Variants in KCNJ12 observed in about 807,000 individuals in gnomAD.
The protein encoded by KCNJ12 is ATP-sensitive inward rectifier potassium channel 12.
A neutral mutation model predicts 22.3 loss-of-function variants in KCNJ12; 2 were observed. That is an observed-to-expected ratio of 0.09 (90% CI 0.04 to 0.28). KCNJ12 has a LOEUF of 0.28. Among genes scored for constraint, KCNJ12 ranks in the 10% least tolerant of loss-of-function variants. KCNJ12 has a pLI of 1.00. For synonymous variants in KCNJ12, 117 were observed against 261.4 expected (o/e 0.45, Z 5.33); for missense variants, 155 against 633.3 (o/e 0.24, Z 8.11).
intron 1 of KCNJ12, among the ~76,000 whole-genome samples, chr17:21,377,762 A>G (rs1904717301): frequency 6.6e-6 from 1 of 151,996 alleles, no homozygotes; most frequent in Non-Finnish European, 1.5e-5. Context: ...ATATTTTAAA[A>G]CCTGTGATCA....
chr17:21,378,453 C>T (rs1271708227), intron 1 of KCNJ12, among the ~76,000 whole-genome samples: 1 of 152,184 alleles, frequency 6.6e-6, no homozygotes, highest in Non-Finnish European at 1.5e-5. Flanking sequence ...AGACAGGGGA[C>T]CCGAGGTTGG....
chr17:21,387,090 A>G (rs4985852), intron 1 of KCNJ12, among the ~76,000 whole-genome samples: 1 of 151,990 alleles, frequency 6.6e-6, no homozygotes, highest in Non-Finnish European at 1.5e-5. Context: ...CGGGGGGCGG[A>G]GCCTGCAGTG....
At chr17:21,382,667 G>A (rs1904911082) in intron 1 of KCNJ12, among the ~76,000 whole-genome samples, 1 of 152,168 alleles carries the variant, frequency 6.6e-6, no homozygotes, top group African/African-American at 2.4e-5. Flanking sequence ...GGATGTCCAT[G>A]TTGCCTCAGA....
chr17:21,407,120 C>T (rs573902882), intron 1 of KCNJ12, among the ~76,000 whole-genome samples: 1 of 152,412 alleles, frequency 6.6e-6, no homozygotes, highest in South Asian at 2.1e-4. Flanking sequence ...TCCTACTCGC[C>T]CAAACACCCT....
intron 1 of KCNJ12, among the ~76,000 whole-genome samples, chr17:21,378,328 G>A (rs934406705): frequency 6.6e-6 from 1 of 152,224 alleles, no homozygotes; most frequent in African/African-American, 2.4e-5. Context: ...CTTTTTGAGG[G>A]GTACTCCCTT....
At chr17:21,415,128 G>A (rs2142079585) in intron 2 of KCNJ12, among the ~76,000 whole-genome samples, 159 bp from the exon 3 acceptor site, 1 of 152,420 alleles carries the variant, frequency 6.6e-6, no homozygotes, top group Admixed American at 6.5e-5. Context: ...CATTCGCACT[G>A]GGAAGGCGGA....
At chr17:21,412,788 T>G (rs1376233661) in intron 2 of KCNJ12, among the ~76,000 whole-genome samples, 768 of 152,228 alleles carry the variant, frequency 5.0e-3, no homozygotes, top group Non-Finnish European at 8.2e-3. Context: ...CCTGCAGAGC[T>G]TGGGGGCCCA....
rs1326506521 is a variant in KCNJ12, at chr17:21,415,851, G to T, written c.509G>T (p.Cys170Phe). 1 of 1,612,480 alleles carries T rather than the reference G, an allele frequency of 6.2e-7. No homozygotes were observed. ...GTGGTGGCCCAGTCCATCGTGGGCT[G>T]CATCATCGACTCCTTCATGATTGGT... is the stretch of plus-strand genomic sequence containing the variant. ...FMVVAQSIVG[C>F]IIDSFMIGAI... is the part of the protein sequence containing the mutation. The change falls in exon 3 of 3, where the codon TGC becomes TTC. Residue 170 changes from cysteine to phenylalanine, a missense_variant. By Grantham distance (205) the Cys-to-Phe change is radical (BLOSUM62 -2). Transcript: ENST00000583088.
In KCNJ12 at chr17:21,397,618, G is replaced by A. The variant is rs555113966; in HGVS notation, c.-178-10901G>A. Among the ~76,000 whole-genome samples, 10 of 152,360 alleles carry A rather than the reference G, an allele frequency of 6.6e-5. No individual in the cohort carries two copies. The South Asian group carries it at 1.2e-3, about 19-fold the overall frequency. ...GGCTAATGCACTGGCCACGGGCAGC[G>A]TGTGCAATTAGTGTGTTAATTGTCC... On this transcript the variant is annotated intron_variant, in intron 1 of 2. Transcript: ENST00000583088.
Position 21,416,167 on chromosome 17 carries a change from C to T in KCNJ12, c.825C>T (p.Asp275=), listed in dbSNP as rs199837726. The change falls in exon 3 of 3, where the codon GAC becomes GAT. Residue 275 remains aspartate (D), a synonymous_variant. Transcript: ENST00000583088. The stretch of plus-strand genomic sequence containing the variant: ...CCATCACCATCTTGCATGAGATTGA[C>T]GAGGCCAGCCCGCTCTTCGGCATCA... The part of the protein sequence containing the change: ...VSPITILHEI[D]EASPLFGISR... The T allele has an allele frequency of 2.9e-5, 46 of 1,613,344 alleles. No homozygotes were observed. Among genetic ancestry groups the T allele is most frequent in the Middle Eastern group, 1.6e-4 (1 of 6,080 alleles).
chr17:21,378,164 T>C (rs564361601), intron 1 of KCNJ12, among the ~76,000 whole-genome samples: 1 of 152,336 alleles, frequency 6.6e-6, no homozygotes, highest in East Asian at 1.9e-4. Context: ...AGCCGGTCCC[T>C]GGCCGCGCGG....
intron 2 of KCNJ12, 148 bp downstream of exon 2, chr17:21,408,788 C>T (rs1379542493): frequency 2.3e-4 from 35 of 152,104 alleles, no homozygotes; most frequent in Non-Finnish European, 3.4e-4. Context: ...CTTCCATCCA[C>T]CCACCCATGC....
chr17:21,384,387 G>C (rs2144766931), intron 1 of KCNJ12, among the ~76,000 whole-genome samples: 1 of 152,284 alleles, frequency 6.6e-6, no homozygotes, highest in Non-Finnish European at 1.5e-5. Flanking sequence ...TGGATTGCAG[G>C]ATTTGGTTTA....
At chr17:21,407,272 C>T (rs11655660) in intron 1 of KCNJ12, among the ~76,000 whole-genome samples, 1 of 152,182 alleles carries the variant, frequency 6.6e-6, no homozygotes, top group Non-Finnish European at 1.5e-5. Flanking sequence ...ATTCATTTCT[C>T]TACCCACCCA....
At chr17:21,391,233 C>T (rs529036658) in intron 1 of KCNJ12, among the ~76,000 whole-genome samples, 2 of 152,348 alleles carry the variant, frequency 1.3e-5, no homozygotes, top group East Asian at 3.9e-4. Context: ...CACCTGTGAA[C>T]GGTGCTGCCG....
intron 1 of KCNJ12, among the ~76,000 whole-genome samples, chr17:21,392,641 A>G (rs1012263071): frequency 5.3e-5 from 8 of 152,220 alleles, no homozygotes; most frequent in Admixed American, 1.3e-4. Flanking sequence ...GGGGGATTTC[A>G]TGGACCCCCA....
At chr17:21,397,606 G>C (rs1388590185) in intron 1 of KCNJ12, among the ~76,000 whole-genome samples, 1 of 152,228 alleles carries the variant, frequency 6.6e-6, no homozygotes, top group African/African-American at 2.4e-5. Flanking sequence ...TAATGCACTG[G>C]CCACGGGCAG....
intron 1 of KCNJ12, among the ~76,000 whole-genome samples, chr17:21,392,352 T>A (rs1305632093): frequency 2.6e-5 from 4 of 152,198 alleles, no homozygotes; most frequent in Non-Finnish European, 4.4e-5. Context: ...AGAACCCAGT[T>A]CAGTGGGCTG....
At chr17:21,397,432 C>T (rs1254582379) in intron 1 of KCNJ12, among the ~76,000 whole-genome samples, 1 of 152,302 alleles carries the variant, frequency 6.6e-6, no homozygotes, top group Admixed American at 6.5e-5. Flanking sequence ...GCGGTTTCAT[C>T]CCCGTGCACT....
Sources: gnomAD v4.1 joint callset for allele counts (sites outside exome capture counted in the v4.1 genomes callset) on GRCh38, gnomAD v4.1.1 for gene constraint, MANE v1.5 for transcripts, NCBI Gene and HGNC (gene_info 2026-07-23, HGNC 2026-07-21) for gene names.